The following ACTN2 variants were observed in gnomAD, a reference collection of about 807,000 sequenced individuals.
The protein encoded by ACTN2 is alpha-actinin-2.
Under a neutral mutation model 113.8 loss-of-function variants are expected in ACTN2, and 39 were observed. The ratio of observed to expected loss-of-function variants is 0.34; its 90% confidence interval spans 0.27 to 0.45. The LOEUF (loss-of-function observed/expected upper bound fraction) is 0.45. ACTN2 is among the 20% of genes least tolerant of loss of function. The probability of loss-of-function intolerance (pLI) is 1.00; values close to 1 mark genes in which losing one functional copy is unlikely to be tolerated. For missense variants in ACTN2, 992 were observed against 1,177.9 expected (o/e 0.84, Z 2.31); for synonymous variants, 429 against 444.1 (o/e 0.97, Z 0.43).
Position 236,755,110 on chromosome 1 carries a change from A to C in ACTN2, c.2066A>C (p.Lys689Thr). The change falls in exon 17 of 21, where the codon AAG becomes ACG. Residue 689 changes from lysine (K) to threonine (T), a missense_variant. Lys to Thr is a moderately conservative substitution (Grantham distance 78, BLOSUM62 -1). This residue lies in a region of ACTN2 where 736 missense variants were observed against 815.4 expected (regional missense o/e 0.90). Coordinates refer to ENST00000366578, the MANE Select transcript of ACTN2 (RefSeq NM_001103.4). ...TATGAGCACAACATCATCAACTATAAGAACAACATCGACAAGCTGGAGGGA... is the reference window on the plus strand; with the variant it reads ...TATGAGCACAACATCATCAACTATACGAACAACATCGACAAGCTGGAGGGA... ...KQYEHNIINYKNNIDKLEGDH... is the reference protein window; with the variant it reads ...KQYEHNIINYTNNIDKLEGDH... The C allele has an allele frequency of 6.2e-7, 1 of 1,614,196 alleles. No individual in the cohort carries two copies. The highest frequency in any genetic ancestry group is 8.5e-7 in the Non-Finnish European group (1 of 1,180,024).
chr1:236,702,946 G>C (rs576855190), intron 1 of ACTN2, among the ~76,000 whole-genome samples: 1 of 152,280 alleles, frequency 6.6e-6, no homozygotes, highest in South Asian at 2.1e-4. Flanking sequence ...GCAGTATGGT[G>C]AACTTAAATT....
At chr1:236,760,365 A>T (rs1372663846) in intron 19 of ACTN2, among the ~76,000 whole-genome samples, 2 of 152,180 alleles carry the variant, frequency 1.3e-5, no homozygotes, top group Non-Finnish European at 2.9e-5. Flanking sequence ...AGCTTTACTG[A>T]GATATAACTC....
intron 9 of ACTN2, 83 bp downstream of exon 9, chr1:236,737,297 G>GTATATGTATATATATATATATATATATA: frequency 3.1e-6 from 1 of 318,474 alleles, no homozygotes; most frequent in African/African-American, 2.8e-5. Flanking sequence ...CTCCGTGGGG[G>GTATATGTATATATATATATATATATATA]CATATATATA....
At chr1:236,715,326 A>C (rs116632463) in intron 1 of ACTN2, among the ~76,000 whole-genome samples, 50 of 105,732 alleles carry the variant, frequency 4.7e-4, no homozygotes, top group African/African-American at 2.0e-3. Flanking sequence ...CCCTGTTACC[A>C]CTTGAAGTTT....
chr1:236,722,888 A>G (rs1487969471), intron 4 of ACTN2, among the ~76,000 whole-genome samples: 1 of 152,176 alleles, frequency 6.6e-6, no homozygotes, highest in Non-Finnish European at 1.5e-5. Context: ...CCAGTAATGT[A>G]CGTAATTCAC....
chr1:236,692,502 T>C (rs2102858724), intron 1 of ACTN2, among the ~76,000 whole-genome samples: 1 of 151,372 alleles, frequency 6.6e-6, no homozygotes, highest in African/African-American at 2.4e-5. Context: ...GAGGGAGAGG[T>C]GGAATTGTAG....
chr1:236,715,671 T>G (rs1475321174), intron 1 of ACTN2, among the ~76,000 whole-genome samples: 2 of 152,072 alleles, frequency 1.3e-5, no homozygotes, highest in African/African-American at 4.8e-5. Context: ...GTATATGGCT[T>G]AAGACCGAGT....
intron 15 of ACTN2, among the ~76,000 whole-genome samples, chr1:236,753,324 T>A (rs1340478281): frequency 1.3e-5 from 2 of 152,366 alleles, no homozygotes; most frequent in East Asian, 3.9e-4. Context: ...GCTTCTTTAC[T>A]AACACGTTTA....
intron 1 of ACTN2, among the ~76,000 whole-genome samples, chr1:236,701,812 T>C (rs1324975710): frequency 6.6e-6 from 1 of 152,244 alleles, no homozygotes; most frequent in East Asian, 1.9e-4. Context: ...CTTGAAAATC[T>C]AGCAGTGAAA....
chr1:236,697,367 A>G (rs765935315), intron 1 of ACTN2, among the ~76,000 whole-genome samples: 25 of 152,322 alleles, frequency 1.6e-4, no homozygotes, highest in Non-Finnish European at 3.2e-4. Flanking sequence ...TTGATATCCA[A>G]TGGATAAAAG....
chr1:236,717,503 A>G (rs1055893705), intron 1 of ACTN2, among the ~76,000 whole-genome samples: 6 of 152,136 alleles, frequency 3.9e-5, no homozygotes, highest in African/African-American at 9.7e-5. Context: ...TATTTTGCAT[A>G]TTTGTGAGCA....
intron 1 of ACTN2, among the ~76,000 whole-genome samples, chr1:236,708,576 G>A (rs980064068): frequency 2.0e-5 from 3 of 152,180 alleles, no homozygotes; most frequent in African/African-American, 4.8e-5. Flanking sequence ...CTCTCTAAAC[G>A]TTTTTCAAGA....
chr1:236,688,816 G>C (rs1665966280), intron 1 of ACTN2, among the ~76,000 whole-genome samples: 1 of 152,172 alleles, frequency 6.6e-6, no homozygotes, highest in African/African-American at 2.4e-5. Context: ...TATGTCCCAT[G>C]AGACAAACTG....
intron 1 of ACTN2, among the ~76,000 whole-genome samples, chr1:236,687,134 T>A: frequency 6.6e-6 from 1 of 152,106 alleles, no homozygotes; most frequent in East Asian, 1.9e-4. Flanking sequence ...CCCCGAGTTA[T>A]ACTCTCCTGG....
At chr1:236,687,636 C>T (rs1665923411) in intron 1 of ACTN2, among the ~76,000 whole-genome samples, 1 of 152,294 alleles carries the variant, frequency 6.6e-6, no homozygotes, top group Non-Finnish European at 1.5e-5. Flanking sequence ...AACTTTTTTC[C>T]GCCTATTTTT....
At chr1:236,688,126 G>A (rs989528916) in intron 1 of ACTN2, among the ~76,000 whole-genome samples, 2 of 152,282 alleles carry the variant, frequency 1.3e-5, no homozygotes, top group Middle Eastern at 3.4e-3. Context: ...ATCTGGACCA[G>A]CTGATGCATC....
intron 1 of ACTN2, among the ~76,000 whole-genome samples, chr1:236,717,009 A>G (rs775703113): frequency 2.6e-4 from 40 of 151,688 alleles, no homozygotes; most frequent in Non-Finnish European, 5.3e-4. Flanking sequence ...TAATTTTTGT[A>G]TTTTTAGTAG....
intron 1 of ACTN2, among the ~76,000 whole-genome samples, chr1:236,687,980 T>C (rs1665935926): frequency 1.3e-5 from 2 of 152,206 alleles, no homozygotes; most frequent in Non-Finnish European, 2.9e-5. Context: ...CCCGAGTTTC[T>C]TAAGGCTTTT....
At chr1:236,724,132 G>A (rs958276478) in intron 4 of ACTN2, among the ~76,000 whole-genome samples, 18 of 151,676 alleles carry the variant, frequency 1.2e-4, no homozygotes, top group African/African-American at 4.4e-4. Flanking sequence ...GGTTCTGTGA[G>A]GATCCTCTTC....
Sources: gnomAD v4.1 joint callset for allele counts (sites outside exome capture counted in the v4.1 genomes callset) on GRCh38, gnomAD v4.1.1 for gene constraint, gnomAD v4.1.1 regional missense constraint, MANE v1.5 for transcripts, NCBI Gene and HGNC (gene_info 2026-07-23, HGNC 2026-07-21) for gene names.